The following CCDC18 variants were observed in gnomAD, a reference collection of about 807,000 sequenced individuals.
CCDC18 encodes the protein coiled-coil domain containing 18, also known as coiled-coil domain-containing protein 18.
CCDC18 carries 157 observed loss-of-function variants against 196.0 expected under a neutral mutation model. The ratio of observed to expected loss-of-function variants is 0.80; its 90% CI spans 0.70 to 0.91. The LOEUF (loss-of-function observed/expected upper bound fraction) is 0.91. Ranked by LOEUF, CCDC18 falls within the 40% of genes least tolerant of loss-of-function variation. The pLI is 0.00. For synonymous variants in CCDC18, 482 were observed against 529.2 expected (o/e 0.91, Z 1.22); for missense variants, 1,465 against 1,611.6 (o/e 0.91, Z 1.56).
chr1:93,275,699 T>A (rs1665584299), intron 28 of CCDC18, among the ~76,000 whole-genome samples: 1 of 152,166 alleles, frequency 6.6e-6, no homozygotes, highest in Admixed American at 6.5e-5. Context: ...CAGCCCTGGA[T>A]TAATCATTAA....
chr1:93,180,561 G>T, upstream of CCDC18: 1 of 1,452,728 alleles, frequency 6.9e-7, no homozygotes, highest in Non-Finnish European at 9.2e-7. Flanking sequence ...GCATCATGGC[G>T]GTAATTGTGG....
intron 23 of CCDC18, among the ~76,000 whole-genome samples, chr1:93,248,082 C>T (rs1661739796): frequency 8.1e-6 from 1 of 122,908 alleles, no homozygotes; most frequent in African/African-American, 3.2e-5. Context: ...GTGGCTTGAT[C>T]TCAGCTCACT....
At position 93,221,672 on chromosome 1, in the gene CCDC18, T is replaced by A. The variant is rs746780727; in HGVS notation, c.2026T>A (p.Leu676Met). Reference sequence around the variant, plus strand: ...AGAACAAGAAAAGACTATGTCCATGTTGCAACAAGATATAATATGCAAACA... The same window carrying A: ...AGAACAAGAAAAGACTATGTCCATGATGCAACAAGATATAATATGCAAACA... ...FKEQEKTMSM[L>M]QQDIICKQHH... The change falls in exon 15 of 29, where the codon TTG (leucine) becomes ATG (methionine). Residue 676 changes from leucine (L) to methionine (M), a missense_variant. Coordinates refer to ENST00000690025, the MANE Select transcript of CCDC18 (RefSeq NM_001378204.1). 6.3e-7 allele frequency: 1 copy of A among 1,593,566 alleles called. No homozygotes were observed. The highest frequency in any genetic ancestry group is 1.2e-5 in the South Asian group (1 of 85,870).
intron 28 of CCDC18, 39 bp from the exon 29 acceptor site, chr1:93,278,424 A>G: frequency 1.2e-6 from 1 of 859,602 alleles, no homozygotes; most frequent in Non-Finnish European, 1.7e-6. Flanking sequence ...CAGTTTAGGA[A>G]TATTTCAAAT....
chr1:93,278,630 AATT>A lies in CCDC18; in HGVS notation c.*156_*158del. 2.8e-6 allele frequency: 1 copy of A among 352,532 alleles called. No homozygotes were observed. The highest frequency in any genetic ancestry group is 4.2e-5 in the East Asian group (1 of 23,558). 21.8% of individuals were successfully genotyped at this position (352,532 alleles called of 1,614,324 possible). A position where few individuals can be genotyped will look rare whatever the true frequency, so the allele number is the denominator to read the frequency against. ...TTAAAAGAAAGCCCTTCTAAAACTT[AATT>A]ATATTTTTAAAGAAAATTTATTATT... is the stretch of plus-strand genomic sequence containing the variant. On this transcript the variant is annotated 3_prime_UTR_variant, in exon 29 of 29. Coordinates refer to ENST00000690025, the MANE Select transcript of CCDC18 (RefSeq NM_001378204.1).
At chr1:93,255,550 G>A (rs1447982832) in intron 24 of CCDC18, among the ~76,000 whole-genome samples, 1 of 152,122 alleles carries the variant, frequency 6.6e-6, no homozygotes, top group African/African-American at 2.4e-5. Context: ...GGGCATCGTA[G>A]CAGTGGGACC....
At position 93,226,315 on chromosome 1, in the gene CCDC18, G is replaced by GTTTTTTTT; in HGVS notation, c.2176-18_2176-17insTTTTTTTT. On this transcript the variant is annotated splice_polypyrimidine_tract_variant and intron_variant, in intron 16 of 28. Transcript: ENST00000690025. The stretch of plus-strand genomic sequence containing the variant: ...CGTTTTGTGTTTTTTTTTTTTTTTT[G>GTTTTTTTT]CTTTTTTTCCTGCTTAGGTTAGGCA... The GTTTTTTTT allele has an allele frequency of 2.8e-6, 1 of 356,552 alleles. No individual in the cohort carries two copies. The highest frequency in any genetic ancestry group is 4.2e-6 in the Non-Finnish European group (1 of 236,078). 22.1% of individuals were successfully genotyped at this position (356,552 alleles called of 1,614,324 possible).
intron 23 of CCDC18, among the ~76,000 whole-genome samples, chr1:93,251,270 G>T (rs1662212690): frequency 6.6e-6 from 1 of 151,954 alleles, no homozygotes; most frequent in East Asian, 1.9e-4. Flanking sequence ...TGAATTTTTG[G>T]TGTTCCAATT....
chr1:93,216,614 A>T (rs1205832638), intron 12 of CCDC18, 22 bp from the exon 13 acceptor site: 1 of 1,199,440 alleles, frequency 8.3e-7, no homozygotes, highest in Non-Finnish European at 1.2e-6. Context: ...ATAATTTTAC[A>T]TTTATTTCAA....
chr1:93,240,470 T>C (rs954317190), intron 21 of CCDC18, among the ~76,000 whole-genome samples: 1 of 152,170 alleles, frequency 6.6e-6, no homozygotes, highest in Non-Finnish European at 1.5e-5. Flanking sequence ...AGTGGAGGTG[T>C]ACAGCCAGAT....
chr1:93,241,401 TCCAA>T (rs1238308930), intron 21 of CCDC18, among the ~76,000 whole-genome samples: 3 of 152,016 alleles, frequency 2.0e-5, no homozygotes, highest in Middle Eastern at 3.2e-3. Flanking sequence ...CAATCCATTT[TCCAA>T]AAATAGATTT....
At chr1:93,192,340 A>G (rs1651959961) in intron 5 of CCDC18, among the ~76,000 whole-genome samples, 1 of 152,224 alleles carries the variant, frequency 6.6e-6, no homozygotes, top group Non-Finnish European at 1.5e-5. Flanking sequence ...ACATGCTTTT[A>G]TCAAACATGA....
intron 28 of CCDC18, chr1:93,271,069 A>G (rs1665218182): frequency 2.0e-6 from 2 of 984,008 alleles, no homozygotes; most frequent in Admixed American, 1.2e-4. Context: ...GATAGACATG[A>G]AAGTGCTTAA....
intron 6 of CCDC18, 25 bp downstream of exon 6, chr1:93,193,769 T>A (rs745989281): frequency 6.6e-7 from 1 of 1,521,140 alleles, no homozygotes; most frequent in East Asian, 2.6e-5. Flanking sequence ...AGCAAATACA[T>A]GTTTTTGAAA....
Position 93,232,505 on chromosome 1 carries a change from A to G in CCDC18, c.2372A>G (p.His791Arg). The change falls in exon 18 of 29, where the codon CAT becomes CGT. Residue 791 changes from histidine to arginine, a missense_variant. Physicochemically the swap from His to Arg is conservative, Grantham distance 29 (BLOSUM62 0). Transcript: ENST00000690025. ...TCTGAGCAAAACGTTATTCTACAGCATACTCTTCAGCAACAGCAGCAAATG... is the reference window on the plus strand; with the variant it reads ...TCTGAGCAAAACGTTATTCTACAGCGTACTCTTCAGCAACAGCAGCAAATG... ...ETSEQNVILQ[H>R]TLQQQQQMLQ... The G allele has an allele frequency of 6.2e-7, 1 of 1,612,644 alleles. No individual in the cohort carries two copies. The highest frequency in any genetic ancestry group is 8.5e-7 in the Non-Finnish European group (1 of 1,178,754).
intron 10 of CCDC18, 126 bp downstream of exon 10, chr1:93,211,052 G>A (rs181016726): frequency 2.7e-4 from 237 of 888,574 alleles, no homozygotes; most frequent in Non-Finnish European, 3.8e-4. Flanking sequence ...TGAGGCAGGC[G>A]GATCACGAGG....
At position 93,201,882 on chromosome 1, in the gene CCDC18, T is replaced by C. The variant is rs767958287; in HGVS notation, c.699-10T>C. ...TTCACTTTTATTCATTATCTCTTTT[T>C]AAATTTTAGAGCTGAACGACAAAGG... On this transcript the variant is annotated splice_polypyrimidine_tract_variant and intron_variant, in intron 6 of 28. Transcript: ENST00000690025. 3.2e-6 allele frequency: 5 copies of C among 1,545,186 alleles called. No individual in the cohort carries two copies. In the East Asian group the frequency reaches 1.2e-4, roughly 36 times the overall value.
upstream of CCDC18, chr1:93,180,274 C>T (rs1649296524): frequency 3.2e-6 from 5 of 1,583,642 alleles, no homozygotes; most frequent in Non-Finnish European, 4.3e-6. Flanking sequence ...CTGAAAGAGG[C>T]GTCAGGTACT....
intron 17 of CCDC18, among the ~76,000 whole-genome samples, chr1:93,228,967 G>C (rs1236699362): frequency 6.6e-6 from 1 of 152,016 alleles, no homozygotes; most frequent in Non-Finnish European, 1.5e-5. Context: ...TTGTCACCCA[G>C]GCTGGAGTGC....
Sources: allele counts gnomAD v4.1 joint callset (sites outside exome capture counted in the v4.1 genomes callset), GRCh38; gene constraint gnomAD v4.1.1; transcripts MANE v1.5; gene names NCBI Gene and HGNC (gene_info 2026-07-23, HGNC 2026-07-21).